The following SCAMP3 variants were observed in gnomAD, a reference collection of about 807,000 sequenced individuals.
The protein encoded by SCAMP3 is secretory carrier membrane protein 3.
A neutral mutation model predicts 44.1 loss-of-function variants in SCAMP3; 30 were observed. The observed-to-expected ratio is 0.68, with a 90% CI of 0.51 to 0.92. The LOEUF (loss-of-function observed/expected upper bound fraction) is 0.92. Ranked by LOEUF, SCAMP3 falls within the 40% of genes least tolerant of loss-of-function variation. The pLI, the probability that SCAMP3 is intolerant of heterozygous loss-of-function variation, is 0.00. For synonymous variants in SCAMP3, 168 were observed against 171.1 expected (o/e 0.98, Z 0.14); for missense variants, 394 against 440.0 (o/e 0.90, Z 0.93).
chr1:155,256,873 C>G, intron 7 of SCAMP3, 82 bp from the exon 8 acceptor site: 1 of 1,108,148 alleles, frequency 9.0e-7, no homozygotes, highest in Non-Finnish European at 1.4e-6. Context: ...CTGTTCCTAC[C>G]CTTCCCATCA....
At position 155,260,027 on chromosome 1, in the gene SCAMP3, C is replaced by T. The variant is rs192914492; in HGVS notation, c.388+303G>A. On this transcript the variant is annotated intron_variant, in intron 4 of 8. Transcript: ENST00000302631. The stretch of plus-strand genomic sequence containing the variant: ...AGTGCAGTGGCGCTATCTCGGCTCA[C>T]TGCAACCTCCACCTCCCGGGTTCAA... Among the ~76,000 whole-genome samples the T allele has an allele frequency of 1.4e-3, 206 of 151,574 alleles. 1 individual carries two copies. The highest frequency in any genetic ancestry group is 4.5e-3 in the African/African-American group (187 of 41,296).
In SCAMP3 at chr1:155,256,868, C is replaced by G. The variant is rs1390368195; in HGVS notation, c.780-77G>C. The G allele has an allele frequency of 2.6e-6, 3 of 1,147,636 alleles. No homozygotes were observed. The African/African-American group carries it at 4.5e-5, about 17-fold the overall frequency. 71.1% of individuals were successfully genotyped at this position (1,147,636 alleles called of 1,614,324 possible). On this transcript the variant is annotated intron_variant, in intron 7 of 8. Coordinates refer to ENST00000302631, the MANE Select transcript of SCAMP3 (RefSeq NM_005698.4). ...GGTTATGTCACCAGCATCCCCTGTT[C>G]CTACCCTTCCCATCAGCAGTGGCTC...
At position 155,262,092 on chromosome 1, in the gene SCAMP3, G is replaced by C; in HGVS notation, c.60C>G (p.Pro20=). The stretch of plus-strand genomic sequence containing the variant: ...GCCGACTGGCGCAAGTCACCTGAAA[G>C]GGGTTGTCAAGCTCGCTGGGCTCGG... ...PFAEPSELDN[P]FQDPAVIQHR... The change falls in exon 1 of 9, where the codon CCC becomes CCG. Residue 20 remains proline, a synonymous_variant. Coordinates refer to ENST00000302631, the MANE Select transcript of SCAMP3 (RefSeq NM_005698.4). 1 of 1,614,182 alleles carries C rather than the reference G, an allele frequency of 6.2e-7. No individual in the cohort carries two copies. The highest frequency in any genetic ancestry group is 8.5e-7 in the Non-Finnish European group (1 of 1,180,004).
Position 155,262,309 on chromosome 1 carries a change from C to T in SCAMP3, c.-158G>A, listed in dbSNP as rs1007035188. ...CGACCGGAAGGGCCACAAGGATCCC[C>T]GCAGCAGCCGTGGGTTGCGCCTGCG... On this transcript the variant is annotated 5_prime_UTR_variant, in exon 1 of 9. Transcript: ENST00000302631. 7.6e-6 allele frequency: 5 copies of T among 660,866 alleles called. No individual in the cohort carries two copies. Among genetic ancestry groups the T allele is most frequent in the Non-Finnish European group, 2.5e-6 (1 of 395,128 alleles). The allele number at this position is 660,866 out of a possible 1,614,324, so 40.9% of individuals were successfully genotyped here.
At position 155,256,811 on chromosome 1, in the gene SCAMP3, C is replaced by T. The variant is rs746633838; in HGVS notation, c.780-20G>A. ...CAGCCACTGTAAAGGGAAGGATGTA[C>T]CAGTGAAGAGGGGCTCCTCAGCTTC... On this transcript the variant is annotated intron_variant, in intron 7 of 8. Transcript: ENST00000302631. 3.8e-6 allele frequency: 6 copies of T among 1,595,064 alleles called. No individual in the cohort carries two copies. The highest frequency in any genetic ancestry group is 5.2e-6 in the Non-Finnish European group (6 of 1,162,892).
intron 2 of SCAMP3, 40 bp downstream of exon 2, chr1:155,261,617 C>A: frequency 6.3e-7 from 1 of 1,579,370 alleles, no homozygotes; most frequent in Admixed American, 1.7e-5. Flanking sequence ...ACTGGCAAAC[C>A]CTTCCCTTCC....
chr1:155,257,497 C>A lies in SCAMP3; in HGVS notation c.677+1G>T. ...CACTCTCCCACCACTAACACACTTA[C>A]CGGAAAGCCTTATACATGGGGCGGT... On this transcript the variant is annotated splice_donor_variant, in intron 6 of 8. Transcript: ENST00000302631. LOFTEE classifies it high-confidence loss of function. 6.2e-7 allele frequency: 1 copy of A among 1,613,480 alleles called. No individual in the cohort carries two copies. The highest frequency in any genetic ancestry group is 8.5e-7 in the Non-Finnish European group (1 of 1,179,670).
chr1:155,261,401 C>T, intron 2 of SCAMP3: 2 of 532,052 alleles, frequency 3.8e-6, no homozygotes, highest in African/African-American at 1.9e-5. Context: ...CCTTCCCATA[C>T]AGAACATTGG....
At chr1:155,257,845 A>G (rs1672847280) in intron 5 of SCAMP3, among the ~76,000 whole-genome samples, 188 bp from the exon 6 acceptor site, 1 of 131,934 alleles carries the variant, frequency 7.6e-6, no homozygotes, top group South Asian at 2.3e-4. Flanking sequence ...ATCCCCTTGC[A>G]AAGACATTTT....
intron 7 of SCAMP3, 152 bp downstream of exon 7, chr1:155,257,133 G>A (rs754951483): frequency 2.0e-5 from 13 of 637,368 alleles, no homozygotes; most frequent in Middle Eastern, 4.0e-4. Context: ...TGCTGTCTGC[G>A]CTCTATCCTG....
At chr1:155,260,206 C>A in intron 4 of SCAMP3, 124 bp downstream of exon 4, 1 of 1,205,960 alleles carries the variant, frequency 8.3e-7, no homozygotes, top group Non-Finnish European at 1.2e-6. Context: ...GATCCGCCCA[C>A]CTCAGCCTCC....
At chr1:155,259,032 T>A in intron 4 of SCAMP3, 78 bp from the exon 5 acceptor site, 6 of 1,011,024 alleles carry the variant, frequency 5.9e-6, no homozygotes, top group Non-Finnish European at 8.6e-6. Context: ...CTTCTCTCCA[T>A]CCCTGGATCC....
intron 4 of SCAMP3, among the ~76,000 whole-genome samples, chr1:155,259,592 T>G (rs1672902319): frequency 1.3e-5 from 2 of 152,132 alleles, no homozygotes; most frequent in Admixed American, 1.3e-4. Context: ...CTCTAACTCC[T>G]GAGCTCAAGC....
chr1:155,262,265 G>C lies in SCAMP3; in HGVS notation c.-114C>G, dbSNP rs1224150751. 1.1e-6 allele frequency: 1 copy of C among 944,530 alleles called. No homozygotes were observed. 58.5% of individuals were successfully genotyped at this position (944,530 alleles called of 1,614,324 possible). A position where few individuals can be genotyped will look rare whatever the true frequency, so the allele number is the denominator to read the frequency against. Reference sequence around the variant, plus strand: ...TCGCCTCAGTTCGCCCCGCTTCTCTGTGCACGGATTGGTTCCACCGACCGG... The same window carrying C: ...TCGCCTCAGTTCGCCCCGCTTCTCTCTGCACGGATTGGTTCCACCGACCGG... On this transcript the variant is annotated 5_prime_UTR_variant, in exon 1 of 9. Coordinates refer to ENST00000302631, the MANE Select transcript of SCAMP3 (RefSeq NM_005698.4).
chr1:155,259,331 C>T (rs1299699408), intron 4 of SCAMP3, among the ~76,000 whole-genome samples: 5 of 152,114 alleles, frequency 3.3e-5, no homozygotes, highest in South Asian at 4.2e-4. Flanking sequence ...CATGCCACCA[C>T]GCCCAGCTAA....
chr1:155,259,029 C>T, intron 4 of SCAMP3, 75 bp from the exon 5 acceptor site: 2 of 1,302,474 alleles, frequency 1.5e-6, no homozygotes, highest in Non-Finnish European at 2.1e-6. Context: ...CCCCTTCTCT[C>T]CATCCCTGGA....
At chr1:155,258,104 T>C (rs1370610828) in intron 5 of SCAMP3, among the ~76,000 whole-genome samples, 1 of 146,160 alleles carries the variant, frequency 6.8e-6, no homozygotes, top group African/African-American at 2.6e-5. Context: ...CTGCAAGCTC[T>C]GCCTCCTGGG....
At chr1:155,260,301 C>CA in intron 4 of SCAMP3, 29 bp downstream of exon 4, 2 of 1,606,172 alleles carry the variant, frequency 1.2e-6, no homozygotes, top group Non-Finnish European at 1.7e-6. Context: ...CCCAAACTCT[C>CA]AGATGCTCTT....
At chr1:155,257,466 C>G (rs747587954) in intron 6 of SCAMP3, 32 bp downstream of exon 6, 1 of 1,612,518 alleles carries the variant, frequency 6.2e-7, no homozygotes, top group Non-Finnish European at 8.5e-7. Context: ...CATCCCAGGT[C>G]TCCATCACTC....
Sources: gnomAD v4.1 joint callset for allele counts (sites outside exome capture counted in the v4.1 genomes callset) on GRCh38, gnomAD v4.1.1 for gene constraint, MANE v1.5 for transcripts, NCBI Gene and HGNC (gene_info 2026-07-23, HGNC 2026-07-21) for gene names.